RNASEH2B: variants seen among roughly 807,000 people sequenced by gnomAD.
The protein encoded by RNASEH2B is ribonuclease H2 subunit B, also known as Aicardi-Goutieres syndrome 2 protein.
In RNASEH2B, 36 loss-of-function variants were observed where a neutral mutation model predicts 45.0. The observed-to-expected ratio is 0.80, with a 90% CI of 0.61 to 1.06. The LOEUF is 1.06. Among genes scored for constraint, RNASEH2B ranks in the 50% least tolerant of loss-of-function variants. The probability of loss-of-function intolerance (pLI) is 0.00; values close to 1 mark genes in which losing one functional copy is unlikely to be tolerated. For synonymous variants in RNASEH2B, 119 were observed against 125.7 expected, an observed-to-expected ratio of 0.95 and a Z score of 0.35; for missense variants, 361 against 360.3, an observed-to-expected ratio of 1.00 and a Z score of -0.02.
At chr13:50,950,641 A>G (rs1473394985) in intron 9 of RNASEH2B, 1 of 152,196 alleles carries the variant, frequency 6.6e-6, no homozygotes, top group Non-Finnish European at 1.5e-5. Flanking sequence ...GTAGGTTCTC[A>G]GCGTGCTTCT....
chr13:50,953,948 A>G lies in RNASEH2B; in HGVS notation c.785A>G (p.Tyr262Cys), dbSNP rs1295933554. ...GAGCCTGTAGAAGCAAAAGAAGATT[A>G]CACTAAGTTTAATACTAAAGATTTG... Reference protein sequence around the residue: ...SDEPVEAKEDYTKFNTKDLKT... With the variant: ...SDEPVEAKEDCTKFNTKDLKT... The change falls in exon 10 of 11, where the codon TAC becomes TGC. Residue 262 changes from tyrosine to cysteine, a missense_variant. Tyr to Cys is a radical substitution (Grantham distance 194, BLOSUM62 -2). Coordinates refer to ENST00000336617, the MANE Select transcript of RNASEH2B (RefSeq NM_024570.4). 1 of 1,608,336 alleles carries G rather than the reference A, an allele frequency of 6.2e-7. No individual in the cohort carries two copies. The highest frequency in any genetic ancestry group is 8.5e-7 in the Non-Finnish European group (1 of 1,174,892).
downstream of RNASEH2B, among the ~76,000 whole-genome samples, chr13:50,958,415 A>G (rs1283109213): frequency 6.6e-6 from 1 of 151,674 alleles, no homozygotes; most frequent in East Asian, 1.9e-4. Flanking sequence ...GTGTGGCTTT[A>G]TTTCTGGGTT....
chr13:50,910,083 G>A lies in RNASEH2B; in HGVS notation c.7G>A (p.Ala3Thr), dbSNP rs531904107. The A allele has an allele frequency of 6.1e-6, 9 of 1,464,286 alleles. No homozygotes were observed. The South Asian group carries it at 1.1e-4, about 17-fold the overall frequency. The allele number at this position is 1,464,286 out of a possible 1,614,324, so 90.7% of individuals were successfully genotyped here. A position where few individuals can be genotyped will look rare whatever the true frequency, so the allele number is the denominator to read the frequency against. The change falls in exon 1 of 11, where the codon GCT becomes ACT. Residue 3 changes from alanine to threonine, a missense_variant. By Grantham distance (58) the Ala-to-Thr change is moderately conservative. Transcript: ENST00000336617. ...CCCGGAAGAGGCGGGCGGCATGGCC[G>A]CTGGCGTGGACTGCGGGGACGGGGT... MA[A>T]GVDCGDGVGA...
Position 50,946,422 on chromosome 13 carries a change from G to A in RNASEH2B, c.616+890G>A, listed in dbSNP as rs1481553600. ...GGAATCTACCTTGCATGTATAGGTA[G>A]TTGGCTACTGCCATTCTGGGAGTGG... On this transcript the variant is annotated intron_variant, in intron 7 of 10. Coordinates refer to ENST00000336617, the MANE Select transcript of RNASEH2B (RefSeq NM_024570.4). 5.3e-5 allele frequency among the ~76,000 whole-genome samples: 8 copies of A among 152,184 alleles called. No homozygotes were observed. The South Asian group carries it at 6.2e-4, about 12-fold the overall frequency.
At chr13:50,962,959 G>T (rs1191609199) in intron 9 of RNASEH2B, among the ~76,000 whole-genome samples, 1 of 151,282 alleles carries the variant, frequency 6.6e-6, no homozygotes, top group Non-Finnish European at 1.5e-5. Context: ...TCAGCTTCTG[G>T]CCTCCAATTT....
downstream of RNASEH2B, among the ~76,000 whole-genome samples, chr13:50,958,299 C>T (rs551132876): frequency 1.9e-4 from 29 of 152,112 alleles, no homozygotes; most frequent in African/African-American, 7.0e-4. Context: ...AGTTTTATTC[C>T]TCTGCATATG....
chr13:50,946,352 G>C (rs184447964), intron 7 of RNASEH2B, among the ~76,000 whole-genome samples: 1 of 152,278 alleles, frequency 6.6e-6, no homozygotes, highest in Non-Finnish European at 1.5e-5. Flanking sequence ...ACTAGGAATA[G>C]TGGCCTGTTT....
At chr13:50,951,587 TAAG>T (rs1160032042) in intron 9 of RNASEH2B, 3 of 152,136 alleles carry the variant, frequency 2.0e-5, no homozygotes, top group African/African-American at 7.2e-5. Flanking sequence ...AAATCATTTG[TAAG>T]AAGGCCTAAC....
intron 1 of RNASEH2B, among the ~76,000 whole-genome samples, chr13:50,918,141 T>A (rs1197613025): frequency 6.6e-6 from 1 of 151,962 alleles, no homozygotes; most frequent in Admixed American, 6.6e-5. Flanking sequence ...TTATATTTAT[T>A]TATTTATTTA....
rs188706685 is a variant in RNASEH2B, at chr13:50,926,804, C to T, written c.65-603C>T. Among the ~76,000 whole-genome samples, 5 of 147,938 alleles carry T rather than the reference C, an allele frequency of 3.4e-5. 1 individual carries two copies. In the East Asian group the frequency reaches 9.7e-4, roughly 29 times the overall value. ...GCAGGATTAAAAACATAGTCGATAT[C>T]CTTAGTATATAAAGATACCTCACAA... On this transcript the variant is annotated intron_variant, in intron 1 of 10. Transcript: ENST00000336617.
chr13:50,929,506 T>C lies in RNASEH2B; in HGVS notation c.168T>C (p.Cys56=). 1.2e-6 allele frequency: 2 copies of C among 1,613,786 alleles called. 1 individual carries two copies. The highest frequency in any genetic ancestry group is 2.2e-5 in the South Asian group (2 of 91,072). Residue 56 remains cysteine (C), a synonymous_variant, in exon 3 of 11, where the codon TGT becomes TGC. Transcript: ENST00000336617. ...GAGCCATTTACTTGTTCAATATGTG[T>C]CTACAGCAGCTGTTTGAAGTAAAAG... ...GEGAIYLFNM[C]LQQLFEVKVF... is the part of the protein sequence containing the mutation.
intron 1 of RNASEH2B, among the ~76,000 whole-genome samples, chr13:50,922,359 G>A (rs899768373): frequency 3.3e-5 from 5 of 152,208 alleles, no homozygotes; most frequent in African/African-American, 1.2e-4. Flanking sequence ...TGCTCAGAAG[G>A]ACCTGAGAGG....
exon 10 of RNASEH2B, chr13:50,969,995 T>A: frequency 6.5e-7 from 1 of 1,550,376 alleles, no homozygotes; most frequent in East Asian, 2.4e-5. Context: ...GCTTGGCGGT[T>A]TTCCCTGCAA....
intron 1 of RNASEH2B, among the ~76,000 whole-genome samples, chr13:50,915,016 C>T (rs964325393): frequency 6.6e-6 from 1 of 152,172 alleles, no homozygotes; most frequent in Non-Finnish European, 1.5e-5. Context: ...TACTTCCTCA[C>T]TATAAAGCCT....
chr13:50,970,111 TCTTTGATTAGTACCA>T (rs1952205824), exon 10 of RNASEH2B: 1 of 767,192 alleles, frequency 1.3e-6, no homozygotes, highest in African/African-American at 1.8e-5. Flanking sequence ...ATGCTTTATT[TCTTTGATTAGTACCA>T]CTAGTCTATG....
chr13:50,926,962 CATA>C (rs1279728498), intron 1 of RNASEH2B, among the ~76,000 whole-genome samples: 3 of 152,232 alleles, frequency 2.0e-5, no homozygotes, highest in South Asian at 4.1e-4. Context: ...TTATAATACT[CATA>C]ATAATAGCTA....
At chr13:50,913,497 A>G (rs1249093326) in intron 1 of RNASEH2B, among the ~76,000 whole-genome samples, 1 of 152,064 alleles carries the variant, frequency 6.6e-6, no homozygotes, top group African/African-American at 2.4e-5. Context: ...TGAAAAAAAA[A>G]AAAAGAAGAA....
At chr13:50,947,421 GTGTA>G (rs1268274904) in intron 7 of RNASEH2B, among the ~76,000 whole-genome samples, 2 of 139,928 alleles carry the variant, frequency 1.4e-5, no homozygotes, top group Non-Finnish European at 3.2e-5. Flanking sequence ...GTGTGTGTGT[GTGTA>G]TGTAGAACTA....
chr13:50,932,757 TG>T (rs1951696296), intron 4 of RNASEH2B, among the ~76,000 whole-genome samples: 1 of 152,250 alleles, frequency 6.6e-6, no homozygotes, highest in Non-Finnish European at 1.5e-5. Flanking sequence ...CTCTCATGTT[TG>T]CATAAAGTTT....
Sources: gnomAD v4.1 joint callset for allele counts (sites outside exome capture counted in the v4.1 genomes callset) on GRCh38, gnomAD v4.1.1 for gene constraint, MANE v1.5 for transcripts, NCBI Gene and HGNC (gene_info 2026-07-23, HGNC 2026-07-21) for gene names.